Variants in FEZ2 observed in about 807,000 individuals in gnomAD.
FEZ2 encodes the protein fasciculation and elongation protein zeta 2, also known as fasciculation and elongation protein zeta-2.
In FEZ2, 51 loss-of-function variants were observed where a neutral mutation model predicts 40.4. The observed-to-expected ratio is 1.26, with a 90% CI of 1.01 to 1.59. The LOEUF (loss-of-function observed/expected upper bound fraction) is 1.59, where lower values mean the gene tolerates loss of function less well. Ranked by LOEUF, FEZ2 falls within the 40% of genes most tolerant of loss-of-function variation. The probability of loss-of-function intolerance (pLI) is 0.00; values close to 1 mark genes in which losing one functional copy is unlikely to be tolerated. For synonymous variants in FEZ2, 242 were observed against 172.0 expected, an observed-to-expected ratio of 1.41 and a Z score of -3.18; for missense variants, 640 against 438.3, an observed-to-expected ratio of 1.46 and a Z score of -4.11.
rs756533490 is a variant in FEZ2, at chr2:36,581,435, C to T, written c.493-4G>A. The T allele has an allele frequency of 1.9e-5, 30 of 1,612,554 alleles. No individual in the cohort carries two copies. In the Admixed American group the frequency reaches 2.5e-4, roughly 13 times the overall value. ...TTTCTTCAATTTCTTCAATAACCTT[C>T]GAAAACACACACACCACTGTTAATC... is the stretch of plus-strand genomic sequence containing the variant. On this transcript the variant is annotated splice_region_variant and splice_polypyrimidine_tract_variant and intron_variant, in intron 3 of 7. Coordinates refer to ENST00000405912, the MANE Select transcript of FEZ2 (RefSeq NM_005102.3).
chr2:36,579,198 A>C (rs956056409), intron 4 of FEZ2: 3 of 203,488 alleles, frequency 1.5e-5, no homozygotes, highest in Admixed American at 6.0e-5. Flanking sequence ...GAAAAGAACA[A>C]ACACAAAAGT....
chr2:36,595,764 A>G lies in FEZ2; in HGVS notation c.266+2113T>C, dbSNP rs1242590798. On this transcript the variant is annotated intron_variant, in intron 1 of 7. Coordinates refer to ENST00000405912, the MANE Select transcript of FEZ2 (RefSeq NM_005102.3). ...CAATGCCAGTGATGACCAGCTCCCA[A>G]CTCCCGGAAAAAAAGAGATTTCATA... Among the ~76,000 whole-genome samples, 3 of 152,280 alleles carry G rather than the reference A, an allele frequency of 2.0e-5. No individual in the cohort carries two copies. In the South Asian group the frequency reaches 6.2e-4, roughly 32 times the overall value.
intron 2 of FEZ2, among the ~76,000 whole-genome samples, chr2:36,584,458 C>T (rs1417750360): frequency 6.6e-6 from 1 of 152,204 alleles, no homozygotes; most frequent in Non-Finnish European, 1.5e-5. Flanking sequence ...ATTGTAAAAA[C>T]TTTGCCTGAA....
chr2:36,597,877 TCGTCCC>T lies in FEZ2; in HGVS notation c.260_265del (p.Gly87_Asp88del). On this transcript the variant is annotated inframe_deletion and splice_region_variant, in exon 1 of 8. Coordinates refer to ENST00000405912, the MANE Select transcript of FEZ2 (RefSeq NM_005102.3). Reference sequence around the variant, plus strand: ...CTCCCGGCCGGGGCCCCGCACTCACTCGTCCCCCTGCAGGAGGCTGCGCTCCGTGAT... The same window carrying T: ...CTCCCGGCCGGGGCCCCGCACTCACTCCTGCAGGAGGCTGCGCTCCGTGAT... The T allele has an allele frequency of 7.3e-7, 1 of 1,366,024 alleles. No homozygotes were observed. The highest frequency in any genetic ancestry group is 1.7e-5 in the South Asian group (1 of 59,878). 84.6% of individuals were successfully genotyped at this position (1,366,024 alleles called of 1,614,324 possible).
intron 5 of FEZ2, among the ~76,000 whole-genome samples, chr2:36,564,820 A>C: frequency 6.6e-6 from 1 of 152,176 alleles, no homozygotes; most frequent in South Asian, 2.1e-4. Flanking sequence ...TTCTCATTCA[A>C]TGGGATGGAA....
chr2:36,584,415 T>C (rs1283486350), intron 2 of FEZ2, among the ~76,000 whole-genome samples: 1 of 152,192 alleles, frequency 6.6e-6, no homozygotes, highest in Non-Finnish European at 1.5e-5. Flanking sequence ...CCCACACCAA[T>C]ATAAACAGCC....
chr2:36,553,077 A>C lies in FEZ2; in HGVS notation c.*86T>G. 1 of 1,130,056 alleles carries C rather than the reference A, an allele frequency of 8.8e-7. No homozygotes were observed. The highest frequency in any genetic ancestry group is 1.6e-5 in the African/African-American group (1 of 64,040). 70.0% of individuals were successfully genotyped at this position (1,130,056 alleles called of 1,614,324 possible). A position where few individuals can be genotyped will look rare whatever the true frequency, so the allele number is the denominator to read the frequency against. ...CAAGTTCAAATGTGCTGAGTTTCCA[A>C]TAGCAAGAAGGGTAATGGTAGCCAG... On this transcript the variant is annotated 3_prime_UTR_variant, in exon 8 of 8. Transcript: ENST00000405912.
intron 1 of FEZ2, among the ~76,000 whole-genome samples, chr2:36,597,588 T>C (rs145826228): frequency 6.6e-4 from 100 of 152,194 alleles, no homozygotes; most frequent in African/African-American, 2.4e-3. Flanking sequence ...TCTCTAACTA[T>C]GGGCTCTGCA....
At chr2:36,569,370 G>A (rs1668342059) in intron 5 of FEZ2, among the ~76,000 whole-genome samples, 1 of 152,120 alleles carries the variant, frequency 6.6e-6, no homozygotes, top group Admixed American at 6.5e-5. Context: ...AAATAAAATT[G>A]CAGCTGAGAA....
chr2:36,585,538 T>C (rs1668876976), intron 2 of FEZ2, among the ~76,000 whole-genome samples: 1 of 152,132 alleles, frequency 6.6e-6, no homozygotes, highest in Non-Finnish European at 1.5e-5. Flanking sequence ...ACTAGATAGA[T>C]TACCTAGTGC....
chr2:36,590,675 G>T, intron 2 of FEZ2: 1 of 447,814 alleles, frequency 2.2e-6, no homozygotes, highest in African/African-American at 2.0e-5. Context: ...AAATTGTGAT[G>T]GAAATTTAGC....
chr2:36,581,404 G>A lies in FEZ2; in HGVS notation c.520C>T (p.Gln174Ter). The change falls in exon 4 of 8, where the codon CAG becomes TAG. Residue 174 changes from glutamine to a stop codon, truncating the protein, a stop_gained. Coordinates refer to ENST00000405912, the MANE Select transcript of FEZ2 (RefSeq NM_005102.3). LOFTEE classifies it high-confidence loss of function. ...QVIEEIEEMM[Q>*]ESPDPEDDET... ...TCATCTTCTGGGTCCGGTGATTCCTGCATCATTTCTTCAATTTCTTCAATA... is the reference window on the plus strand; with the variant it reads ...TCATCTTCTGGGTCCGGTGATTCCTACATCATTTCTTCAATTTCTTCAATA... The A allele has an allele frequency of 6.2e-7, 1 of 1,613,328 alleles. No individual in the cohort carries two copies. The highest frequency in any genetic ancestry group is 1.3e-5 in the African/African-American group (1 of 75,014).
At chr2:36,555,498 A>C (rs1204670596) in intron 7 of FEZ2, 185 bp downstream of exon 7, 3 of 402,592 alleles carry the variant, frequency 7.5e-6, no homozygotes, top group African/African-American at 6.2e-5. Flanking sequence ...TAAAACTTAA[A>C]TTATATAAAA....
At chr2:36,558,152 A>G (rs1359809951) in intron 6 of FEZ2, 1 of 226,400 alleles carries the variant, frequency 4.4e-6, no homozygotes, top group African/African-American at 2.3e-5. Flanking sequence ...GTTCTTAAAC[A>G]TGTAAGAGAT....
intron 5 of FEZ2, among the ~76,000 whole-genome samples, chr2:36,572,171 T>G (rs1488023358): frequency 6.6e-6 from 1 of 152,120 alleles, no homozygotes; most frequent in Non-Finnish European, 1.5e-5. Context: ...TAGAGAACAC[T>G]GGTCTACCTG....
At chr2:36,553,406 G>A (rs10172196) in intron 7 of FEZ2, among the ~76,000 whole-genome samples, 39,999 of 152,044 alleles carry the variant, frequency 0.26, 5,550 homozygotes, top group Middle Eastern at 0.39. Flanking sequence ...AAAAGGCCAT[G>A]TCTCTTAGGG....
chr2:36,597,842 C>T, intron 1 of FEZ2, 35 bp downstream of exon 1: 1 of 1,324,052 alleles, frequency 7.6e-7, no homozygotes, highest in Non-Finnish European at 9.6e-7. Flanking sequence ...GTAGGGGAGG[C>T]TCCCGCCCAC....
chr2:36,571,969 C>T (rs1223598281), intron 5 of FEZ2, among the ~76,000 whole-genome samples: 1 of 142,262 alleles, frequency 7.0e-6, no homozygotes, highest in Non-Finnish European at 1.5e-5. Flanking sequence ...GAGCCGAGAT[C>T]GCGCCCCTGC....
chr2:36,586,766 C>A (rs1358062371), intron 2 of FEZ2, among the ~76,000 whole-genome samples: 1 of 152,144 alleles, frequency 6.6e-6, no homozygotes, highest in Non-Finnish European at 1.5e-5. Context: ...CACAGGAAGA[C>A]CTCGTCTCTA....
Sources: gnomAD v4.1 joint callset for allele counts (sites outside exome capture counted in the v4.1 genomes callset) on GRCh38, gnomAD v4.1.1 for gene constraint, MANE v1.5 for transcripts, NCBI Gene and HGNC (gene_info 2026-07-23, HGNC 2026-07-21) for gene names.